The following SGCD variants were observed in gnomAD, a reference collection of about 807,000 sequenced individuals.
The protein encoded by SGCD is delta-sarcoglycan.
Under a neutral mutation model 36.6 loss-of-function variants are expected in SGCD, and 18 were observed. That is an observed-to-expected ratio of 0.49 (90% CI 0.34 to 0.73). The LOEUF is 0.73. Among genes scored for constraint, SGCD ranks in the 30% least tolerant of loss-of-function variants. The probability of loss-of-function intolerance (pLI) is 0.01; values close to 1 mark genes in which losing one functional copy is unlikely to be tolerated. For synonymous variants in SGCD, 133 were observed against 130.6 expected (o/e 1.02, Z -0.12); for missense variants, 387 against 346.7 (o/e 1.12, Z -0.92).
the SGCD span, among the ~76,000 whole-genome samples, chr5:155,776,896 G>A: frequency 6.6e-6 from 1 of 152,036 alleles, no homozygotes; most frequent in Non-Finnish European, 1.5e-5. Flanking sequence ...TAAAAGCCAA[G>A]AGCTTATGGG....
At chr5:155,947,283 A>G (rs1554106306) in intron 1 of SGCD, among the ~76,000 whole-genome samples, 2 of 144,148 alleles carry the variant, frequency 1.4e-5, no homozygotes, top group Non-Finnish European at 3.0e-5. Context: ...TGGTATTATC[A>G]TAAATACTCT....
chr5:155,834,597 G>A, the SGCD span, among the ~76,000 whole-genome samples: 2 of 152,180 alleles, frequency 1.3e-5, no homozygotes, highest in African/African-American at 4.8e-5. Context: ...TTTTACACAA[G>A]TGGTGCTTGC....
chr5:156,650,957 T>C (rs983464763), intron 7 of SGCD, among the ~76,000 whole-genome samples: 26 of 152,176 alleles, frequency 1.7e-4, no homozygotes, highest in African/African-American at 5.5e-4. Context: ...TAAGTGTTCC[T>C]TTACTCCACA....
intron 3 of SGCD, among the ~76,000 whole-genome samples, chr5:156,467,153 A>G (rs1272379602): frequency 6.6e-6 from 1 of 152,214 alleles, no homozygotes; most frequent in Non-Finnish European, 1.5e-5. Context: ...CTTTATTTAC[A>G]AAACCAAGTA....
chr5:155,834,842 T>C, the SGCD span, among the ~76,000 whole-genome samples: 77 of 151,180 alleles, frequency 5.1e-4, no homozygotes, highest in Non-Finnish European at 1.1e-3. Flanking sequence ...ATCTTTTTTT[T>C]TTTTTTTTCG....
upstream of SGCD, among the ~76,000 whole-genome samples, chr5:155,865,514 C>G (rs1337839708): frequency 1.3e-5 from 2 of 151,984 alleles, no homozygotes; most frequent in African/African-American, 4.8e-5. Context: ...AAGTTAAAAC[C>G]AAAAATGTAG....
chr5:156,252,137 G>A (rs2127661393), intron 3 of SGCD, among the ~76,000 whole-genome samples: 1 of 150,654 alleles, frequency 6.6e-6, no homozygotes, highest in East Asian at 2.0e-4. Context: ...CATGATCTCT[G>A]GCTCACATCC....
At chr5:156,744,118 C>G (rs1234357906) in intron 7 of SGCD, among the ~76,000 whole-genome samples, 8 of 152,210 alleles carry the variant, frequency 5.3e-5, no homozygotes, top group Admixed American at 1.3e-4. Context: ...CCCAGGAGTT[C>G]AAAACCAGGG....
At chr5:155,979,500 A>G (rs1417906944) in intron 1 of SGCD, among the ~76,000 whole-genome samples, 1 of 152,232 alleles carries the variant, frequency 6.6e-6, no homozygotes, top group Non-Finnish European at 1.5e-5. Flanking sequence ...GCTGAGATCA[A>G]TACATGTGGA....
At chr5:156,289,519 CATT>C (rs1444740697) in intron 3 of SGCD, among the ~76,000 whole-genome samples, 1 of 151,944 alleles carries the variant, frequency 6.6e-6, no homozygotes, top group East Asian at 1.9e-4. Context: ...CATGTGTTCT[CATT>C]GTTCAGTTCC....
At chr5:156,039,002 A>T (rs1168660213) in intron 1 of SGCD, among the ~76,000 whole-genome samples, 1 of 152,066 alleles carries the variant, frequency 6.6e-6, no homozygotes, top group African/African-American at 2.4e-5. Flanking sequence ...AGACATCCTC[A>T]TCTTCCCCCT....
At chr5:156,624,339 T>A (rs1464551002) in intron 6 of SGCD, among the ~76,000 whole-genome samples, 7 of 152,204 alleles carry the variant, frequency 4.6e-5, no homozygotes. Flanking sequence ...CCCAGGACTT[T>A]GGGAGGCCAA....
intron 3 of SGCD, among the ~76,000 whole-genome samples, chr5:156,294,932 T>G (rs1276314738): frequency 6.6e-6 from 1 of 152,200 alleles, no homozygotes; most frequent in African/African-American, 2.4e-5. Context: ...GGAAGAATTA[T>G]CTGTAGTTTT....
the SGCD span, among the ~76,000 whole-genome samples, chr5:155,789,349 G>T: frequency 6.6e-6 from 1 of 152,130 alleles, no homozygotes; most frequent in African/African-American, 2.4e-5. Context: ...AACTAATTTT[G>T]CAGCTTTAGG....
intron 4 of SGCD, among the ~76,000 whole-genome samples, chr5:156,579,984 A>T (rs1333409715): frequency 6.6e-6 from 1 of 152,160 alleles, no homozygotes; most frequent in Non-Finnish European, 1.5e-5. Flanking sequence ...TTTGCCCTTT[A>T]GTTGATGCAG....
intron 3 of SGCD, among the ~76,000 whole-genome samples, chr5:156,505,945 A>C (rs1007651638): frequency 2.0e-5 from 3 of 152,220 alleles, no homozygotes; most frequent in African/African-American, 7.2e-5. Context: ...TTAAAAAAAC[A>C]GTCATGAAAA....
At chr5:155,904,705 T>C (rs1261669520) in intron 1 of SGCD, among the ~76,000 whole-genome samples, 3 of 152,186 alleles carry the variant, frequency 2.0e-5, no homozygotes, top group Non-Finnish European at 1.5e-5. Context: ...CTTTTTGATG[T>C]GTGACTTGTA....
the SGCD span, among the ~76,000 whole-genome samples, chr5:155,838,924 G>T: frequency 6.6e-6 from 1 of 152,222 alleles, no homozygotes; most frequent in Middle Eastern, 3.4e-3. Flanking sequence ...TTTTAAGCCA[G>T]CTTTAGGGCA....
intron 3 of SGCD, among the ~76,000 whole-genome samples, chr5:156,262,898 GGTGTGTGTGTGT>G (rs66684897): frequency 9.5e-5 from 14 of 147,778 alleles, no homozygotes; most frequent in African/African-American, 3.5e-4. Context: ...AGTATTCCAT[GGTGTGTGTGTGT>G]GTGTGTGTGT....
Sources: allele counts gnomAD v4.1 joint callset (sites outside exome capture counted in the v4.1 genomes callset), GRCh38; gene constraint gnomAD v4.1.1; transcripts MANE v1.5; gene names NCBI Gene and HGNC (gene_info 2026-07-23, HGNC 2026-07-21).